ANXA4: variants seen among roughly 807,000 people sequenced by gnomAD.
The protein encoded by ANXA4 is 35-beta calcimedin.
ANXA4 carries 39 observed loss-of-function variants against 49.8 expected under a neutral mutation model. The observed-to-expected ratio is 0.78, with a 90% CI of 0.61 to 1.02. ANXA4 has a LOEUF of 1.02. Ranked by LOEUF, ANXA4 falls within the 50% of genes least tolerant of loss-of-function variation. The pLI is 0.00. For missense variants in ANXA4, 360 were observed against 410.1 expected (o/e 0.88, Z 1.05); for synonymous variants, 134 against 152.5 (o/e 0.88, Z 0.89).
rs758853189 is a variant in ANXA4 at position 69,819,249 on chromosome 2, TTTTCA to T, written c.725-26_725-22del. On this transcript the variant is annotated intron_variant, in intron 10 of 12. Transcript: ENST00000394295. Reference sequence around the variant, plus strand: ...TTTTTCATGGGTCTTATCTGTAATCTTTTCATTTCTTCTTTTTTTTTCTTTGACAG... The same window carrying T: ...TTTTTCATGGGTCTTATCTGTAATCTTTTCTTCTTTTTTTTTCTTTGACAG... 9.0e-5 allele frequency: 138 copies of T among 1,526,096 alleles called. No individual in the cohort carries two copies. The African/African-American group carries it at 1.0e-3, about 12-fold the overall frequency. 94.5% of individuals were successfully genotyped at this position (1,526,096 alleles called of 1,614,324 possible).
rs139920396 is a variant in ANXA4, at chr2:69,807,919, A to G, written c.320A>G (p.Asp107Gly). Residue 107 changes from aspartate (D) to glycine (G), a missense_variant, in exon 6 of 13, where the codon GAT (aspartate) becomes GGT (glycine). Coordinates refer to ENST00000394295, the MANE Select transcript of ANXA4 (RefSeq NM_001153.5). ...LRRAMKGAGT[D>G]EGCLIEILAS... ...TTTCTTGTTTAGGGAGCCGGCACTG[A>G]TGAGGGCTGCCTAATTGAGATCCTG... 161 of 1,613,934 alleles carry G rather than the reference A, an allele frequency of 1.0e-4. No homozygotes were observed. The highest frequency in any genetic ancestry group is 1.3e-4 in the Non-Finnish European group (153 of 1,179,990).
chr2:69,788,819 CA>C (rs1672537420), intron 3 of ANXA4, among the ~76,000 whole-genome samples: 1 of 118,994 alleles, frequency 8.4e-6, no homozygotes, highest in African/African-American at 3.4e-5. Context: ...GGCTGGGCGA[CA>C]GAGCGAGACT....
chr2:69,766,869 C>T (rs1013211572), intron 1 of ANXA4, among the ~76,000 whole-genome samples: 9 of 152,144 alleles, frequency 5.9e-5, no homozygotes, highest in African/African-American at 4.8e-5. Context: ...GGGTCTGATG[C>T]GCTCTAAAGT....
chr2:69,796,069 G>T (rs1038011838), intron 3 of ANXA4, among the ~76,000 whole-genome samples: 29 of 152,166 alleles, frequency 1.9e-4, no homozygotes, highest in African/African-American at 6.3e-4. Flanking sequence ...GGAGCCAGGG[G>T]TCTGAGCCCT....
At chr2:69,792,462 G>C (rs947292581) in intron 3 of ANXA4, among the ~76,000 whole-genome samples, 1 of 152,144 alleles carries the variant, frequency 6.6e-6, no homozygotes, top group African/African-American at 2.4e-5. Context: ...CCCTTGACAA[G>C]TTTTGCTAAA....
At chr2:69,793,250 C>CA (rs70954360) in intron 3 of ANXA4, among the ~76,000 whole-genome samples, 53 of 128,500 alleles carry the variant, frequency 4.1e-4, no homozygotes, top group East Asian at 1.1e-3. Flanking sequence ...GACTCCATCT[C>CA]AAAAAAAAAA....
Position 69,715,587 on chromosome 2 carries a change from G to A in ANXA4, n.767-5187G>A, listed in dbSNP as rs908152887. On this transcript the variant is annotated intron_variant and non_coding_transcript_variant, in intron 2 of 3. Coordinates refer to the ANXA4 transcript ENST00000418066. The stretch of plus-strand genomic sequence containing the variant: ...GTACCTACTATGTCCCAGATAATTT[G>A]CCTAGGTTTTTAACCCTCACAACAC... 3.9e-5 allele frequency among the ~76,000 whole-genome samples: 6 copies of A among 152,220 alleles called. No individual in the cohort carries two copies. The East Asian group carries it at 9.6e-4, about 24-fold the overall frequency.
At chr2:69,811,797 C>G (rs1362021280) in intron 7 of ANXA4, among the ~76,000 whole-genome samples, 1 of 152,194 alleles carries the variant, frequency 6.6e-6, no homozygotes, top group Non-Finnish European at 1.5e-5. Flanking sequence ...CCAATTTCCA[C>G]TTTGCTCTTG....
At chr2:69,762,389 G>GA (rs557937181) in intron 1 of ANXA4, among the ~76,000 whole-genome samples, 254 of 133,328 alleles carry the variant, frequency 1.9e-3, no homozygotes, top group Middle Eastern at 3.7e-3. Flanking sequence ...CCGTCTAGGG[G>GA]AAAAAAAAAA....
rs576011134 is a variant in ANXA4, at chr2:69,669,200, C to T, written n.766+15918C>T. On this transcript the variant is annotated intron_variant and non_coding_transcript_variant, in intron 2 of 3. Transcript: ENST00000418066. The stretch of plus-strand genomic sequence containing the variant: ...CCTCAGGTGATCCACCCGCCTCGGC[C>T]TCCCAAAGCACTGGGATTACAGGCC... Among the ~76,000 whole-genome samples the T allele has an allele frequency of 4.2e-4, 64 of 151,598 alleles. 1 individual carries two copies. Among genetic ancestry groups the T allele is most frequent in the Non-Finnish European group, 7.4e-4 (50 of 67,934 alleles).
At chr2:69,644,173 C>T (rs866183803), upstream of ANXA4, among the ~76,000 whole-genome samples, 2 of 57,428 alleles carry the variant, frequency 3.5e-5, no homozygotes, top group East Asian at 4.2e-4. Flanking sequence ...GTTCCCCCCC[C>T]CCCCCCCCCG....
chr2:69,752,320 G>A (rs1670877837), intron 1 of ANXA4, among the ~76,000 whole-genome samples: 1 of 152,208 alleles, frequency 6.6e-6, no homozygotes, highest in African/African-American at 2.4e-5. Context: ...GGAACTGCTG[G>A]CCTGGAATAT....
At chr2:69,764,912 T>C (rs1464665475) in intron 1 of ANXA4, among the ~76,000 whole-genome samples, 2 of 152,228 alleles carry the variant, frequency 1.3e-5, no homozygotes, top group Admixed American at 1.3e-4. Flanking sequence ...CTACTTTGAG[T>C]ACATATAAGT....
intron 1 of ANXA4, among the ~76,000 whole-genome samples, chr2:69,772,549 C>T (rs560733617): frequency 1.8e-4 from 27 of 152,268 alleles, no homozygotes; most frequent in African/African-American, 6.5e-4. Context: ...TTGGGGGGTG[C>T]ATTTCTTTCC....
chr2:69,790,442 C>T (rs957506903), intron 3 of ANXA4, among the ~76,000 whole-genome samples: 2 of 151,902 alleles, frequency 1.3e-5, no homozygotes, highest in East Asian at 1.9e-4. Context: ...GGTTTCTAAG[C>T]GAGAAGAGAT....
At chr2:69,798,029 C>T (rs937244047) in intron 3 of ANXA4, among the ~76,000 whole-genome samples, 1 of 152,154 alleles carries the variant, frequency 6.6e-6, no homozygotes, top group Middle Eastern at 3.2e-3. Context: ...AGCATACCTC[C>T]TAACAGGAGA....
chr2:69,812,717 G>A lies in ANXA4; in HGVS notation c.534+8G>A, dbSNP rs184226986. On this transcript the variant is annotated splice_region_variant and intron_variant, in intron 8 of 12. Transcript: ENST00000394295. ...GTGAGACAGGATGCCCAGGTTGGTAGAACTGCAGCTTCTTTCTTCCAGCTT... is the reference window on the plus strand; with the variant it reads ...GTGAGACAGGATGCCCAGGTTGGTAAAACTGCAGCTTCTTTCTTCCAGCTT... 1.0e-4 allele frequency: 161 copies of A among 1,613,922 alleles called. 1 individual carries two copies. The East Asian group carries it at 2.5e-3, about 25-fold the overall frequency.
At chr2:69,645,759 T>C (rs1675987240) in intron 1 of ANXA4, among the ~76,000 whole-genome samples, 1 of 152,210 alleles carries the variant, frequency 6.6e-6, no homozygotes, top group South Asian at 2.1e-4. Flanking sequence ...CTAGATTCCT[T>C]GCCCTCCATT....
Position 69,819,443 on chromosome 2 carries a change from A to G in ANXA4, c.783+105A>G, listed in dbSNP as rs998381833. 1.3e-4 allele frequency: 101 copies of G among 768,422 alleles called. 1 individual carries two copies. Among genetic ancestry groups the G allele is most frequent in the Non-Finnish European group, 2.1e-4 (97 of 462,510 alleles). The allele number at this position is 768,422 out of a possible 1,614,324, so 47.6% of individuals were successfully genotyped here. On this transcript the variant is annotated intron_variant, in intron 11 of 12. Coordinates refer to ENST00000394295, the MANE Select transcript of ANXA4 (RefSeq NM_001153.5). ...TCCAAACTTTGCTCTGAAAGATCCA[A>G]TTCAATTCATCAAATACTTCAGTGA...
Sources: allele counts gnomAD v4.1 joint callset (sites outside exome capture counted in the v4.1 genomes callset), GRCh38; gene constraint gnomAD v4.1.1; transcripts MANE v1.5; gene names NCBI Gene and HGNC (gene_info 2026-07-23, HGNC 2026-07-21).